The following CCNH variants were observed in gnomAD, a reference collection of about 807,000 sequenced individuals.
CCNH encodes the protein cyclin H.
CCNH carries 31 observed loss-of-function variants against 41.9 expected under a neutral mutation model. That is an observed-to-expected ratio of 0.74 (90% confidence interval 0.56 to 1.00). CCNH has a LOEUF of 1.00. Among genes scored for constraint, CCNH ranks in the 50% least tolerant of loss-of-function variants. The pLI, the probability that CCNH is intolerant of heterozygous loss-of-function variation, is 0.00. For synonymous variants in CCNH, 138 were observed against 136.1 expected, an observed-to-expected ratio of 1.01 and a Z score of -0.10; for missense variants, 362 against 388.4, an observed-to-expected ratio of 0.93 and a Z score of 0.57.
At chr5:87,323,940 T>C (rs1398021057) in intron 9 of CCNH, among the ~76,000 whole-genome samples, 1 of 152,190 alleles carries the variant, frequency 6.6e-6, no homozygotes, top group Non-Finnish European at 1.5e-5. Context: ...AGTTGCTTAA[T>C]TTGTCTGTCT....
intron 9 of CCNH, among the ~76,000 whole-genome samples, chr5:87,342,748 T>C (rs937882846): frequency 3.9e-5 from 6 of 152,182 alleles, no homozygotes; most frequent in African/African-American, 1.4e-4. Context: ...AATCACTTTG[T>C]CTAGTTGTCT....
chr5:87,321,943 T>C (rs935467849), intron 9 of CCNH, among the ~76,000 whole-genome samples: 1 of 152,164 alleles, frequency 6.6e-6, no homozygotes, highest in African/African-American at 2.4e-5. Flanking sequence ...GTCAGGGATA[T>C]TGTTTCCTGA....
intron 9 of CCNH, among the ~76,000 whole-genome samples, chr5:87,353,993 C>T (rs1759468442): frequency 1.3e-5 from 2 of 151,996 alleles, no homozygotes; most frequent in South Asian, 2.1e-4. Flanking sequence ...TACTGTTATT[C>T]TAGGGACATA....
chr5:87,317,262 C>T (rs1247546068), downstream of CCNH, among the ~76,000 whole-genome samples: 1 of 152,106 alleles, frequency 6.6e-6, no homozygotes, highest in African/African-American at 2.4e-5. Context: ...TTGTGCGTTC[C>T]AGACTTTTAA....
chr5:87,351,980 A>C (rs1406223933), intron 9 of CCNH, among the ~76,000 whole-genome samples: 1 of 151,854 alleles, frequency 6.6e-6, no homozygotes, highest in Admixed American at 6.6e-5. Context: ...TTTGCTTTAA[A>C]ACACATAGTC....
intron 9 of CCNH, among the ~76,000 whole-genome samples, chr5:87,340,062 T>TA (rs1195493599): frequency 6.6e-6 from 1 of 152,190 alleles, no homozygotes; most frequent in African/African-American, 2.4e-5. Context: ...ACTGATGTAT[T>TA]ACCATTGCCT....
At chr5:87,318,373 A>C (rs75379367), downstream of CCNH, 4 of 152,220 alleles carry the variant, frequency 2.6e-5, no homozygotes, top group African/African-American at 9.7e-5. Flanking sequence ...AGGGTGTATT[A>C]GTTTGTCTTC....
At chr5:87,383,850 C>A in intron 9 of CCNH, 45 of 1,170,942 alleles carry the variant, frequency 3.8e-5, no homozygotes, top group Non-Finnish European at 5.2e-5. Context: ...TTTAAGAATA[C>A]TCTTAAATCT....
downstream of CCNH, among the ~76,000 whole-genome samples, chr5:87,387,715 G>A (rs750710805): frequency 9.9e-5 from 15 of 152,084 alleles, no homozygotes; most frequent in Non-Finnish European, 2.1e-4. Context: ...CAGGAATGCC[G>A]TTGAGTCACT....
intron 9 of CCNH, chr5:87,366,292 A>G: frequency 2.9e-6 from 1 of 341,182 alleles, no homozygotes; most frequent in Non-Finnish European, 6.1e-6. Flanking sequence ...TGAATATTGC[A>G]ATATCTGTAA....
chr5:87,354,610 A>G (rs879491872), intron 9 of CCNH, among the ~76,000 whole-genome samples: 9 of 152,138 alleles, frequency 5.9e-5, no homozygotes, highest in African/African-American at 7.2e-5. Flanking sequence ...AATTGGGCCA[A>G]TTAATAACCC....
chr5:87,350,029 A>G (rs1580327367), intron 9 of CCNH, among the ~76,000 whole-genome samples: 1 of 152,024 alleles, frequency 6.6e-6, no homozygotes, highest in East Asian at 1.9e-4. Flanking sequence ...AGGCTGGCAT[A>G]ATCTTGTTCT....
downstream of CCNH, among the ~76,000 whole-genome samples, chr5:87,373,688 C>T (rs772837000): frequency 6.6e-6 from 1 of 151,992 alleles, no homozygotes; most frequent in Non-Finnish European, 1.5e-5. Flanking sequence ...TGTATCCTTT[C>T]CTGTAAAATA....
chr5:87,386,946 T>A, downstream of CCNH: 1 of 1,489,544 alleles, frequency 6.7e-7, no homozygotes, highest in African/African-American at 1.4e-5. Context: ...GACTTCTAGT[T>A]GATATAGCTG....
chr5:87,386,577 A>C (rs770515457), downstream of CCNH, among the ~76,000 whole-genome samples: 34 of 152,168 alleles, frequency 2.2e-4, no homozygotes, highest in Non-Finnish European at 3.8e-4. Flanking sequence ...ACTCCTCAGT[A>C]TAGCCATTTG....
upstream of CCNH, among the ~76,000 whole-genome samples, chr5:87,381,313 T>TA (rs1011962780): frequency 6.6e-6 from 1 of 152,210 alleles, no homozygotes; most frequent in African/African-American, 2.4e-5. Context: ...CCCAATCTGA[T>TA]ATCCTTGAGT....
chr5:87,381,233 G>C (rs941728030), upstream of CCNH, among the ~76,000 whole-genome samples: 2 of 152,160 alleles, frequency 1.3e-5, no homozygotes, highest in African/African-American at 4.8e-5. Flanking sequence ...TCTGTCTGGA[G>C]AGGTTAAGTT....
At chr5:87,353,078 G>T in intron 9 of CCNH, 1 of 1,148,190 alleles carries the variant, frequency 8.7e-7, no homozygotes, top group Non-Finnish European at 1.3e-6. Context: ...ATAATCCTTG[G>T]CAAGAAAGTT....
At chr5:87,318,072 G>C (rs1323429493), downstream of CCNH, among the ~76,000 whole-genome samples, 1 of 152,052 alleles carries the variant, frequency 6.6e-6, no homozygotes, top group East Asian at 1.9e-4. Context: ...ACTACCATTA[G>C]GTTGAGATTC....
Sources: allele counts gnomAD v4.1 joint callset (sites outside exome capture counted in the v4.1 genomes callset), GRCh38; gene constraint gnomAD v4.1.1; transcripts MANE v1.5; gene names NCBI Gene and HGNC (gene_info 2026-07-23, HGNC 2026-07-21).